YIPF5: variants seen among roughly 807,000 people sequenced by gnomAD.
YIPF5 encodes Yip1 domain family member 5.
Under a neutral mutation model 30.4 loss-of-function variants are expected in YIPF5, and 8 were observed. The observed-to-expected ratio is 0.26, with a 90% CI of 0.15 to 0.47. YIPF5 has a LOEUF of 0.47. Ranked by LOEUF, YIPF5 falls within the 20% of genes least tolerant of loss-of-function variation. The pLI, the probability that YIPF5 is intolerant of heterozygous loss-of-function variation, is 0.99. For synonymous variants in YIPF5, 104 were observed against 107.9 expected (o/e 0.96, Z 0.23); for missense variants, 282 against 301.8 (o/e 0.93, Z 0.49).
chr5:144,162,748 G>A (rs1317477152), intron 4 of YIPF5, among the ~76,000 whole-genome samples: 7 of 152,130 alleles, frequency 4.6e-5, no homozygotes, highest in African/African-American at 9.7e-5. Flanking sequence ...ATGGAAAGCC[G>A]TTCAAAATGT....
At chr5:144,163,652 C>T (rs1312860635) in intron 4 of YIPF5, among the ~76,000 whole-genome samples, 1 of 151,818 alleles carries the variant, frequency 6.6e-6, no homozygotes, top group Non-Finnish European at 1.5e-5. Context: ...TTTCAATATG[C>T]CTTAACATTC....
Position 144,168,636 on chromosome 5 carries a change from T to C in YIPF5, c.110+1210A>G, listed in dbSNP as rs368126680. Among the ~76,000 whole-genome samples, 11 of 152,244 alleles carry C rather than the reference T, an allele frequency of 7.2e-5. No homozygotes were observed. In the East Asian group the frequency reaches 1.7e-3, roughly 24 times the overall value. On this transcript the variant is annotated intron_variant, in intron 2 of 5. Transcript: ENST00000274496. ...CAGAAAAGAGAAATGAATCACGGGG[T>C]ATTTTGACATGCTCACTCCCATTGT...
In YIPF5 at chr5:144,165,624, AAAT is replaced by A; in HGVS notation, c.111-23_111-21del. ...TACTGTCTATAAATGAAAGAAAGTTAAATTTTTCAGAGGTATTTCAACTCTGTA... is the reference window on the plus strand; with the variant it reads ...TACTGTCTATAAATGAAAGAAAGTTATTTTCAGAGGTATTTCAACTCTGTA... On this transcript the variant is annotated intron_variant, in intron 2 of 5. Transcript: ENST00000274496. 6.2e-7 allele frequency: 1 copy of A among 1,612,388 alleles called. No homozygotes were observed. Among genetic ancestry groups the A allele is most frequent in the Non-Finnish European group, 8.5e-7 (1 of 1,178,704 alleles).
At chr5:144,165,655 G>A in intron 2 of YIPF5, 51 bp from the exon 3 acceptor site, 1 of 1,532,742 alleles carries the variant, frequency 6.5e-7, no homozygotes, top group Non-Finnish European at 8.9e-7. Context: ...ACTCTGTACA[G>A]TTAATATCCC....
At chr5:144,163,909 AAG>A in intron 4 of YIPF5, 200 bp downstream of exon 4, 1 of 475,404 alleles carries the variant, frequency 2.1e-6, no homozygotes, top group Non-Finnish European at 3.4e-6. Flanking sequence ...TTCTTAGAAA[AAG>A]AAATGATTTT....
In YIPF5 at chr5:144,158,754, A is replaced by G. The variant is rs946315825; in HGVS notation, c.*1643T>C. 1.3e-5 allele frequency: 13 copies of G among 1,000,290 alleles called. No individual in the cohort carries two copies. In the Admixed American group the frequency reaches 2.4e-4, roughly 19 times the overall value. 62.0% of individuals were successfully genotyped at this position (1,000,290 alleles called of 1,614,324 possible). A position where few individuals can be genotyped will look rare whatever the true frequency, so the allele number is the denominator to read the frequency against. ...AAACCTAGCCCAAAACAAATTAATG[A>G]CAAGTGGGTTTCTCCAGACGATTAA... On this transcript the variant is annotated 3_prime_UTR_variant, in exon 6 of 6. Coordinates refer to ENST00000274496, the MANE Select transcript of YIPF5 (RefSeq NM_030799.9).
At chr5:144,162,087 C>T in intron 5 of YIPF5, 131 bp downstream of exon 5, 1 of 937,066 alleles carries the variant, frequency 1.1e-6, no homozygotes, top group Non-Finnish European at 1.6e-6. Flanking sequence ...AACCATTTGG[C>T]ACTGTCCCTA....
chr5:144,165,730 CTT>C (rs1453165202), intron 2 of YIPF5, 126 bp from the exon 3 acceptor site: 1 of 915,172 alleles, frequency 1.1e-6, no homozygotes, highest in African/African-American at 1.7e-5. Context: ...CAGGTACAAA[CTT>C]TGCCAATTTT....
Position 144,158,493 on chromosome 5 carries a change from TAA to T in YIPF5, c.*1902_*1903del. 8.0e-7 allele frequency: 1 copy of T among 1,246,588 alleles called. No homozygotes were observed. The highest frequency in any genetic ancestry group is 1.0e-6 in the Non-Finnish European group (1 of 975,244). 77.2% of individuals were successfully genotyped at this position (1,246,588 alleles called of 1,614,324 possible). On this transcript the variant is annotated 3_prime_UTR_variant, in exon 6 of 6. Coordinates refer to ENST00000274496, the MANE Select transcript of YIPF5 (RefSeq NM_030799.9). Reference sequence around the variant, plus strand: ...ATATTTGGCTGAAGATTAACAGTGTTAAGTCTAACCAACAGCGAGATAATTTT... The same window carrying T: ...ATATTTGGCTGAAGATTAACAGTGTTGTCTAACCAACAGCGAGATAATTTT...
At position 144,159,402 on chromosome 5, in the gene YIPF5, G is replaced by A; in HGVS notation, c.*995C>T. On this transcript the variant is annotated 3_prime_UTR_variant, in exon 6 of 6. Transcript: ENST00000274496. ...TTTTTTTATTATTTTTGGGAAATGTGGCGATCCAACGATTATAGCATTAAT... is the reference window on the plus strand; with the variant it reads ...TTTTTTTATTATTTTTGGGAAATGTAGCGATCCAACGATTATAGCATTAAT... 1 of 985,262 alleles carries A rather than the reference G, an allele frequency of 1.0e-6. No homozygotes were observed. The highest frequency in any genetic ancestry group is 5.2e-4 in the Middle Eastern group (1 of 1,914). The allele number at this position is 985,262 out of a possible 1,614,324, so 61.0% of individuals were successfully genotyped here.
chr5:144,160,375 T>C lies in YIPF5; in HGVS notation c.*22A>G. 1.2e-6 allele frequency: 2 copies of C among 1,605,060 alleles called. No individual in the cohort carries two copies. Among genetic ancestry groups the C allele is most frequent in the Non-Finnish European group, 1.7e-6 (2 of 1,173,966 alleles). On this transcript the variant is annotated 3_prime_UTR_variant, in exon 6 of 6. Transcript: ENST00000274496. ...CCTTTTTGTACATCTGGCCCACTGA[T>C]GTCCACATCCCAGATAAATTTTCAA...
In YIPF5 at chr5:144,165,523, C is replaced by G; in HGVS notation, c.192G>C (p.Gly64=). The G allele has an allele frequency of 6.2e-7, 1 of 1,614,058 alleles. No homozygotes were observed. Among genetic ancestry groups the G allele is most frequent in the Non-Finnish European group, 8.5e-7 (1 of 1,180,008 alleles). Residue 64 remains glycine, a synonymous_variant, in exon 3 of 6, where the codon GGG becomes GGC. Coordinates refer to ENST00000274496, the MANE Select transcript of YIPF5 (RefSeq NM_030799.9). ...ATGCCTGAGTTGGCTGGTAAATCTG[C>G]CCGGTGTATGGCTGTTGTGGCTGCA... is the stretch of plus-strand genomic sequence containing the variant. ...DMMQPQQPYT[G]QIYQPTQAYT... is the part of the protein sequence containing the mutation.
At position 144,158,996 on chromosome 5, in the gene YIPF5, A is replaced by T. The variant is rs75116815; in HGVS notation, c.*1401T>A. 2 of 985,058 alleles carry T rather than the reference A, an allele frequency of 2.0e-6. No homozygotes were observed. The highest frequency in any genetic ancestry group is 3.5e-5 in the African/African-American group (2 of 57,214). 61.0% of individuals were successfully genotyped at this position (985,058 alleles called of 1,614,324 possible). On this transcript the variant is annotated 3_prime_UTR_variant, in exon 6 of 6. Coordinates refer to ENST00000274496, the MANE Select transcript of YIPF5 (RefSeq NM_030799.9). Reference sequence around the variant, plus strand: ...AACTGAGCTTTGTCCAGAATCAGAGACAGTTTTTCTAGAAAAAGCCAATGA... The same window carrying T: ...AACTGAGCTTTGTCCAGAATCAGAGTCAGTTTTTCTAGAAAAAGCCAATGA...
intron 2 of YIPF5, 91 bp from the exon 3 acceptor site, chr5:144,165,695 A>G (rs895391204): frequency 4.5e-6 from 6 of 1,329,474 alleles, no homozygotes; most frequent in Non-Finnish European, 4.1e-6. Flanking sequence ...TGTGACAGCT[A>G]AAGAACCTTA....
rs780055623 is a variant in YIPF5 at position 144,162,180 on chromosome 5, T to C, written c.611+38A>G. 8 of 1,594,328 alleles carry C rather than the reference T, an allele frequency of 5.0e-6. No individual in the cohort carries two copies. The African/African-American group carries it at 5.4e-5, about 11-fold the overall frequency. On this transcript the variant is annotated intron_variant, in intron 5 of 5. Coordinates refer to ENST00000274496, the MANE Select transcript of YIPF5 (RefSeq NM_030799.9). ...ATGAGGTGAATCCTACTACATAGAA[T>C]TGGTCAATCAACCCCCAAAATAAAG...
rs2126752829 is a variant in YIPF5 at position 144,158,336 on chromosome 5, C to T, written c.*2061G>A. 2.2e-6 allele frequency: 2 copies of T among 897,368 alleles called. No individual in the cohort carries two copies. The highest frequency in any genetic ancestry group is 3.0e-5 in the South Asian group (2 of 66,034). The allele number at this position is 897,368 out of a possible 1,614,324, so 55.6% of individuals were successfully genotyped here. A position where few individuals can be genotyped will look rare whatever the true frequency, so the allele number is the denominator to read the frequency against. On this transcript the variant is annotated 3_prime_UTR_variant, in exon 6 of 6. Transcript: ENST00000274496. The stretch of plus-strand genomic sequence containing the variant: ...AGAGCAACAGTTAAGCATAAAATAG[C>T]TTTGCACCTTATTATTTTGGAGCAA...
At chr5:144,164,086 C>T in intron 4 of YIPF5, 25 bp downstream of exon 4, 1 of 1,605,742 alleles carries the variant, frequency 6.2e-7, no homozygotes, top group South Asian at 1.1e-5. Context: ...TAATTGCACC[C>T]TGAAGGTTGA....
At chr5:144,163,822 G>T (rs1169684571) in intron 4 of YIPF5, 1 of 225,152 alleles carries the variant, frequency 4.4e-6, no homozygotes, top group Non-Finnish European at 8.4e-6. Flanking sequence ...TGAAAAGGCA[G>T]AATTCTAATG....
Position 144,158,490 on chromosome 5 carries a change from T to A in YIPF5, c.*1907A>T. On this transcript the variant is annotated 3_prime_UTR_variant, in exon 6 of 6. Coordinates refer to ENST00000274496, the MANE Select transcript of YIPF5 (RefSeq NM_030799.9). ...GTGATATTTGGCTGAAGATTAACAG[T>A]GTTAAGTCTAACCAACAGCGAGATA... The A allele has an allele frequency of 8.0e-7, 1 of 1,247,620 alleles. No homozygotes were observed. Among genetic ancestry groups the A allele is most frequent in the African/African-American group, 1.6e-5 (1 of 62,784 alleles). 77.3% of individuals were successfully genotyped at this position (1,247,620 alleles called of 1,614,324 possible).
Sources: allele counts gnomAD v4.1 joint callset (sites outside exome capture counted in the v4.1 genomes callset), GRCh38; gene constraint gnomAD v4.1.1; transcripts MANE v1.5; gene names NCBI Gene and HGNC (gene_info 2026-07-23, HGNC 2026-07-21).